WDFY4: variants seen among roughly 807,000 people sequenced by gnomAD.
WDFY4 encodes the protein WD repeat- and FYVE domain-containing protein 4.
Under a neutral mutation model 351.9 loss-of-function variants are expected in WDFY4, and 169 were observed. The observed-to-expected ratio is 0.48, with a 90% CI of 0.42 to 0.55. WDFY4 has a LOEUF of 0.55. Among genes scored for constraint, WDFY4 ranks in the 20% least tolerant of loss-of-function variants. WDFY4 has a pLI of 0.00. For synonymous variants in WDFY4, 1,622 were observed against 1,574.6 expected (o/e 1.03, Z -0.71); for missense variants, 3,803 against 3,935.6 (o/e 0.97, Z 0.90).
At chr10:48,928,992 T>C (rs918707705) in intron 47 of WDFY4, among the ~76,000 whole-genome samples, 1 of 151,876 alleles carries the variant, frequency 6.6e-6, no homozygotes, top group Non-Finnish European at 1.5e-5. Context: ...TAATGACAGG[T>C]GTGATGGATG....
At chr10:48,822,296 G>C (rs976726515) in intron 34 of WDFY4, 84 bp from the exon 35 acceptor site, 1 of 1,379,112 alleles carries the variant, frequency 7.3e-7, no homozygotes, top group African/African-American at 1.5e-5. Context: ...ATAAGATGCA[G>C]TTGGTCACTA....
intron 43 of WDFY4, among the ~76,000 whole-genome samples, chr10:48,880,382 T>G (rs1329299955): frequency 1.3e-5 from 2 of 152,222 alleles, no homozygotes; most frequent in African/African-American, 4.8e-5. Context: ...TGACTGACTT[T>G]CCAGCCTCTG....
At chr10:48,864,149 A>G (rs1209454685) in intron 39 of WDFY4, among the ~76,000 whole-genome samples, 1 of 152,220 alleles carries the variant, frequency 6.6e-6, no homozygotes, top group Non-Finnish European at 1.5e-5. Flanking sequence ...TCTAAATCGG[A>G]CAAATGCCAA....
At chr10:48,982,400 A>G in intron 61 of WDFY4, 109 bp from the exon 62 acceptor site, 2 of 957,200 alleles carry the variant, frequency 2.1e-6, no homozygotes, top group South Asian at 3.7e-5. Context: ...ACCAGGGGCA[A>G]GCTCCGCTGG....
intron 47 of WDFY4, among the ~76,000 whole-genome samples, chr10:48,925,300 G>A (rs1589910976): frequency 1.3e-5 from 2 of 152,144 alleles, no homozygotes; most frequent in Admixed American, 6.5e-5. Flanking sequence ...AGAGAGGCGG[G>A]GCTGTATCTT....
chr10:48,975,089 A>G, intron 58 of WDFY4, 48 bp downstream of exon 58: 2 of 1,550,728 alleles, frequency 1.3e-6, no homozygotes, highest in South Asian at 2.4e-5. Flanking sequence ...TCGCAGTAGC[A>G]TGGGGTACAA....
intron 8 of WDFY4, among the ~76,000 whole-genome samples, chr10:48,729,872 G>A (rs947328363): frequency 1.3e-5 from 2 of 152,206 alleles, no homozygotes; most frequent in South Asian, 2.1e-4. Flanking sequence ...GGGGACTGAT[G>A]GCCCTAAAAC....
chr10:48,881,587 C>T (rs557660922), intron 43 of WDFY4, among the ~76,000 whole-genome samples: 1 of 152,244 alleles, frequency 6.6e-6, no homozygotes, highest in South Asian at 2.1e-4. Flanking sequence ...AAGGAGGTCC[C>T]TAAACTGAAA....
chr10:48,773,780 G>A lies in WDFY4; in HGVS notation c.2554-678G>A, dbSNP rs533166848. Reference sequence around the variant, plus strand: ...AGACTTTAGTTGGCCTGCAGACTTTGAGTGTGGTTTGAGATGTCTGTGGTG... The same window carrying A: ...AGACTTTAGTTGGCCTGCAGACTTTAAGTGTGGTTTGAGATGTCTGTGGTG... On this transcript the variant is annotated intron_variant, in intron 13 of 61. Transcript: ENST00000325239. Among the ~76,000 whole-genome samples, 4 of 152,348 alleles carry A rather than the reference G, an allele frequency of 2.6e-5. No homozygotes were observed. In the South Asian group the frequency reaches 6.2e-4, roughly 24 times the overall value.
intron 1 of WDFY4, among the ~76,000 whole-genome samples, chr10:48,685,223 C>T (rs1007652158): frequency 6.6e-6 from 1 of 152,172 alleles, no homozygotes; most frequent in African/African-American, 2.4e-5. Flanking sequence ...CACTCCAGGG[C>T]CTGGGTCTGC....
At chr10:48,760,506 C>T in intron 13 of WDFY4, 66 bp downstream of exon 13, 1 of 1,482,506 alleles carries the variant, frequency 6.7e-7, no homozygotes, top group South Asian at 1.2e-5. Flanking sequence ...TGCCTTCTGA[C>T]CCAAGACAGC....
At chr10:48,795,540 C>A (rs888089545) in intron 23 of WDFY4, among the ~76,000 whole-genome samples, 5 of 114,980 alleles carry the variant, frequency 4.3e-5, no homozygotes, top group East Asian at 4.2e-4. Context: ...TATATACACA[C>A]ACATGAATAG....
chr10:48,883,595 C>A (rs954472162), intron 43 of WDFY4, among the ~76,000 whole-genome samples: 1 of 152,208 alleles, frequency 6.6e-6, no homozygotes, highest in Non-Finnish European at 1.5e-5. Flanking sequence ...TGTGTGCATG[C>A]TCCTACAACA....
chr10:48,856,676 G>A (rs1034924441), intron 39 of WDFY4, among the ~76,000 whole-genome samples: 10 of 152,268 alleles, frequency 6.6e-5, no homozygotes, highest in East Asian at 1.9e-4. Context: ...ACTCTGTTAC[G>A]TTAAAATGTG....
intron 44 of WDFY4, among the ~76,000 whole-genome samples, chr10:48,896,633 C>G (rs12253134): frequency 6.6e-6 from 1 of 152,070 alleles, no homozygotes; most frequent in Non-Finnish European, 1.5e-5. Flanking sequence ...GCCTTGCCAG[C>G]GGCCTCTTTG....
chr10:48,963,559 A>G (rs1390346264), intron 53 of WDFY4, among the ~76,000 whole-genome samples: 2 of 152,076 alleles, frequency 1.3e-5, no homozygotes, highest in Non-Finnish European at 2.9e-5. Flanking sequence ...CCAGGCCTGC[A>G]CCTCATAGAT....
At chr10:48,899,187 C>T (rs1159248512) in intron 45 of WDFY4, among the ~76,000 whole-genome samples, 1 of 152,098 alleles carries the variant, frequency 6.6e-6, no homozygotes, top group Non-Finnish European at 1.5e-5. Flanking sequence ...CTGGATTCTC[C>T]CAGGAGAAAG....
intron 53 of WDFY4, among the ~76,000 whole-genome samples, 152 bp downstream of exon 53, chr10:48,959,965 G>C (rs1005998635): frequency 5.3e-5 from 8 of 152,198 alleles, no homozygotes; most frequent in African/African-American, 1.7e-4. Flanking sequence ...CTATACCTTA[G>C]GTTGGCAAGG....
rs867395437 is a variant in WDFY4 at position 48,877,932 on chromosome 10, G to T, written c.7167+733G>T. Reference sequence around the variant, plus strand: ...AAGATGAAGCACATGTCTTAGAGTAGAACCGACCTCAGTTCTAGTCCCAAC... The same window carrying T: ...AAGATGAAGCACATGTCTTAGAGTATAACCGACCTCAGTTCTAGTCCCAAC... On this transcript the variant is annotated intron_variant, in intron 43 of 61. Coordinates refer to ENST00000325239, the MANE Select transcript of WDFY4 (RefSeq NM_001394531.1). 3 of 152,396 alleles carry T rather than the reference G, an allele frequency of 2.0e-5. No homozygotes were observed. In the South Asian group the frequency reaches 6.2e-4, roughly 32 times the overall value. The allele number at this position is 152,396 out of a possible 1,614,324, so 9.4% of individuals were successfully genotyped here.
Sources: allele counts gnomAD v4.1 joint callset (sites outside exome capture counted in the v4.1 genomes callset), GRCh38; gene constraint gnomAD v4.1.1; transcripts MANE v1.5; gene names NCBI Gene and HGNC (gene_info 2026-07-23, HGNC 2026-07-21).